The following GABRB2 variants were observed in gnomAD, a reference collection of about 807,000 sequenced individuals.
GABRB2 encodes gamma-aminobutyric acid type A receptor subunit beta2.
A neutral mutation model predicts 54.7 loss-of-function variants in GABRB2; 16 were observed. The observed-to-expected ratio is 0.29, with a 90% CI of 0.20 to 0.44. GABRB2 has a LOEUF of 0.44. GABRB2 is among the 20% of genes least tolerant of loss of function. GABRB2 has a pLI of 1.00. For missense variants in GABRB2, 355 were observed against 644.0 expected (o/e 0.55, Z 4.86); for synonymous variants, 244 against 233.8 (o/e 1.04, Z -0.40).
chr5:161,463,089 A>G (rs1245781659), intron 3 of GABRB2, among the ~76,000 whole-genome samples: 1 of 151,968 alleles, frequency 6.6e-6, no homozygotes, highest in Non-Finnish European at 1.5e-5. Context: ...AAGCCAATTG[A>G]TTTTCAATAC....
rs140326098 is a variant in GABRB2 at position 161,340,834 on chromosome 5, A to G, written c.542-4065T>C. On this transcript the variant is annotated intron_variant, in intron 5 of 9. Coordinates refer to ENST00000393959, the MANE Select transcript of GABRB2 (RefSeq NM_001371727.1). ...ATACATACAATTTGCACAATGGAAA[A>G]CATAGCTGTTCAACCACATTTATAG... is the stretch of plus-strand genomic sequence containing the variant. Among the ~76,000 whole-genome samples the G allele has an allele frequency of 1.8e-4, 27 of 152,154 alleles. No homozygotes were observed. In the East Asian group the frequency reaches 5.0e-3, roughly 28 times the overall value.
At chr5:161,472,574 C>T (rs1226436349) in intron 3 of GABRB2, among the ~76,000 whole-genome samples, 1 of 151,866 alleles carries the variant, frequency 6.6e-6, no homozygotes, top group Non-Finnish European at 1.5e-5. Flanking sequence ...GTGATTTGAA[C>T]TCTGAAGTTG....
chr5:161,438,927 C>T (rs1483973077), intron 4 of GABRB2, among the ~76,000 whole-genome samples: 1 of 151,834 alleles, frequency 6.6e-6, no homozygotes, highest in Non-Finnish European at 1.5e-5. Flanking sequence ...CTAAAAAGGG[C>T]AAATCTAAGA....
chr5:161,421,777 TG>T (rs1458727205), intron 4 of GABRB2, among the ~76,000 whole-genome samples: 2 of 152,086 alleles, frequency 1.3e-5, no homozygotes, highest in African/African-American at 4.8e-5. Context: ...CAGTGACCAA[TG>T]GTCAGGGAGG....
chr5:161,323,825 C>G (rs1363728541), intron 9 of GABRB2, among the ~76,000 whole-genome samples: 1 of 152,104 alleles, frequency 6.6e-6, no homozygotes, highest in Non-Finnish European at 1.5e-5. Flanking sequence ...GTGTGTACTA[C>G]CACACTCTCA....
At position 161,490,799 on chromosome 5, in the gene GABRB2, C is replaced by T. The variant is rs115274438; in HGVS notation, c.238-30955G>A. 1.2e-3 allele frequency among the ~76,000 whole-genome samples: 188 copies of T among 151,856 alleles called. 1 individual carries two copies. The highest frequency in any genetic ancestry group is 9.9e-4 in the Non-Finnish European group (67 of 67,754). On this transcript the variant is annotated intron_variant, in intron 3 of 9. Coordinates refer to ENST00000393959, the MANE Select transcript of GABRB2 (RefSeq NM_001371727.1). The stretch of plus-strand genomic sequence containing the variant: ...GTGAACATTTTCTTCAAAACATTCT[C>T]TCAAACTATGCTTCAAGAGCAAGAT...
chr5:161,446,583 C>T (rs1473134968), intron 4 of GABRB2, among the ~76,000 whole-genome samples: 1 of 152,086 alleles, frequency 6.6e-6, no homozygotes, highest in Admixed American at 6.6e-5. Flanking sequence ...GGAACCTATC[C>T]CCATCTTTGA....
chr5:161,460,241 C>T (rs867300547), intron 3 of GABRB2, among the ~76,000 whole-genome samples: 3 of 151,030 alleles, frequency 2.0e-5, no homozygotes, highest in African/African-American at 7.4e-5. Context: ...CCACCACAAC[C>T]GGCCAAGAAA....
intron 3 of GABRB2, among the ~76,000 whole-genome samples, chr5:161,509,492 A>G (rs1203398877): frequency 6.6e-6 from 1 of 151,964 alleles, no homozygotes; most frequent in Non-Finnish European, 1.5e-5. Flanking sequence ...CTTTTCTGAC[A>G]TCCTCAGAGA....
intron 3 of GABRB2, among the ~76,000 whole-genome samples, chr5:161,492,053 G>A (rs759952749): frequency 1.3e-5 from 2 of 151,554 alleles, no homozygotes; most frequent in Non-Finnish European, 3.0e-5. Flanking sequence ...AAAAAGTATA[G>A]TAGGTTTGTG....
At chr5:161,357,428 G>A (rs1254347681) in intron 5 of GABRB2, among the ~76,000 whole-genome samples, 1 of 151,810 alleles carries the variant, frequency 6.6e-6, no homozygotes, top group African/African-American at 2.4e-5. Flanking sequence ...TCAGAGAAGT[G>A]CAGGGTTGGC....
At chr5:161,397,578 A>G (rs981032857) in intron 5 of GABRB2, among the ~76,000 whole-genome samples, 1 of 152,218 alleles carries the variant, frequency 6.6e-6, no homozygotes, top group African/African-American at 2.4e-5. Flanking sequence ...ATCAGAAACA[A>G]ATTTAAGAAA....
intron 5 of GABRB2, among the ~76,000 whole-genome samples, chr5:161,358,456 C>G (rs530368718): frequency 1.2e-4 from 18 of 152,086 alleles, no homozygotes; most frequent in African/African-American, 4.3e-4. Flanking sequence ...TGGTAGCTAG[C>G]AGGTTCACTG....
intron 3 of GABRB2, among the ~76,000 whole-genome samples, chr5:161,497,258 C>A (rs544466725): frequency 7.2e-5 from 11 of 152,164 alleles, no homozygotes; most frequent in African/African-American, 2.6e-4. Flanking sequence ...AGAAACAGTT[C>A]TCTTAACATC....
intron 4 of GABRB2, among the ~76,000 whole-genome samples, chr5:161,412,190 G>A (rs1486490651): frequency 6.6e-6 from 1 of 152,172 alleles, no homozygotes; most frequent in Non-Finnish European, 1.5e-5. Flanking sequence ...CTGAGCCTAT[G>A]GAATTCCTGA....
intron 5 of GABRB2, among the ~76,000 whole-genome samples, chr5:161,359,476 TC>T (rs1236730542): frequency 9.1e-5 from 13 of 143,284 alleles, no homozygotes; most frequent in Admixed American, 8.2e-4. Flanking sequence ...CAGAGATTGC[TC>T]ATGAAGGCAT....
chr5:161,537,585 G>A (rs1021998841), intron 3 of GABRB2, among the ~76,000 whole-genome samples: 1 of 151,610 alleles, frequency 6.6e-6, no homozygotes, highest in Non-Finnish European at 1.5e-5. Context: ...TTCTTTTTTT[G>A]CATTCCTGTC....
At chr5:161,442,994 C>T (rs1392968175) in intron 4 of GABRB2, among the ~76,000 whole-genome samples, 3 of 152,068 alleles carry the variant, frequency 2.0e-5, no homozygotes, top group Non-Finnish European at 4.4e-5. Context: ...CGTTCAGTAC[C>T]TGGTTTGAAG....
At chr5:161,474,641 T>C (rs1758541284) in intron 3 of GABRB2, among the ~76,000 whole-genome samples, 1 of 151,938 alleles carries the variant, frequency 6.6e-6, no homozygotes, top group African/African-American at 2.4e-5. Flanking sequence ...TATTCCCCTT[T>C]TGCTTTATTG....
Sources: gnomAD v4.1 joint callset for allele counts (sites outside exome capture counted in the v4.1 genomes callset) on GRCh38, gnomAD v4.1.1 for gene constraint, MANE v1.5 for transcripts, NCBI Gene and HGNC (gene_info 2026-07-23, HGNC 2026-07-21) for gene names.